Variants in UBE2L6 observed in about 807,000 individuals in gnomAD.
UBE2L6 encodes the protein ubiquitin conjugating enzyme E2 L6.
Under a neutral mutation model 13.6 loss-of-function variants are expected in UBE2L6, and 11 were observed. The ratio of observed to expected loss-of-function variants is 0.81; its 90% CI spans 0.51 to 1.34. UBE2L6 has a LOEUF of 1.34. Among genes scored for constraint, UBE2L6 ranks in the 40% most tolerant of loss-of-function variants. The pLI, the probability that UBE2L6 is intolerant of heterozygous loss-of-function variation, is 0.00. For missense variants in UBE2L6, 197 were observed against 199.5 expected (o/e 0.99, Z 0.07); for synonymous variants, 74 against 83.2 (o/e 0.89, Z 0.60).
intron 3 of UBE2L6, among the ~76,000 whole-genome samples, chr11:57,553,144 A>T (rs974347700): frequency 6.6e-5 from 10 of 152,210 alleles, no homozygotes; most frequent in Non-Finnish European, 7.3e-5. Context: ...CAGGCTCTAG[A>T]GCTGTGTTGT....
upstream of UBE2L6, chr11:57,567,722 C>T: frequency 7.3e-7 from 1 of 1,371,598 alleles, no homozygotes; most frequent in South Asian, 1.3e-5. Context: ...GCCCCGCCCA[C>T]CCCTCCTCCA....
chr11:57,557,592 C>T (rs1409954088), intron 2 of UBE2L6, among the ~76,000 whole-genome samples: 2 of 152,032 alleles, frequency 1.3e-5, no homozygotes, highest in South Asian at 2.1e-4. Flanking sequence ...CAGGGTTTCT[C>T]CATGTTGGTC....
chr11:57,560,494 C>T, intron 1 of UBE2L6, 62 bp from the exon 2 acceptor site: 1 of 1,303,386 alleles, frequency 7.7e-7, no homozygotes, highest in South Asian at 1.2e-5. Context: ...CCCCCTCCCC[C>T]TGCCCCAGCA....
In UBE2L6 at chr11:57,552,195, A is replaced by T. The variant is rs955394830; in HGVS notation, c.*163T>A. On this transcript the variant is annotated 3_prime_UTR_variant, in exon 4 of 4. Transcript: ENST00000287156. ...GAGTCCATACACAACACACACACTC[A>T]TAGCTCCCTTCCCTCCACCACACAC... 44 of 1,014,044 alleles carry T rather than the reference A, an allele frequency of 4.3e-5. 1 individual carries two copies. In the Middle Eastern group the frequency reaches 1.8e-3, roughly 42 times the overall value. The allele number at this position is 1,014,044 out of a possible 1,614,324, so 62.8% of individuals were successfully genotyped here.
At position 57,552,502 on chromosome 11, in the gene UBE2L6, C is replaced by A. The variant is rs199678631; in HGVS notation, c.318G>T (p.Glu106Asp). The A allele has an allele frequency of 1.2e-6, 2 of 1,614,180 alleles. No homozygotes were observed. The highest frequency in any genetic ancestry group is 1.7e-6 in the Non-Finnish European group (2 of 1,180,030). Residue 106 changes from glutamate to aspartate, a missense_variant, in exon 4 of 4, where the codon GAG becomes GAT. Transcript: ENST00000287156. ...KPCTKTCQVL[E>D]ALNVLVNRPN... The stretch of plus-strand genomic sequence containing the variant: ...GTCTATTCACCAGCACATTGAGGGC[C>A]TCCAGGACTGGGGAGAGACAGGCCA...
intron 3 of UBE2L6, among the ~76,000 whole-genome samples, chr11:57,553,275 C>T (rs1259695604): frequency 6.6e-6 from 1 of 152,256 alleles, no homozygotes; most frequent in Admixed American, 6.5e-5. Context: ...GGGTGGATGG[C>T]TTGAACTCAC....
intron 1 of UBE2L6, among the ~76,000 whole-genome samples, chr11:57,564,604 A>G (rs1945071935): frequency 6.6e-6 from 1 of 152,172 alleles, no homozygotes; most frequent in African/African-American, 2.4e-5. Flanking sequence ...GGAGTTCGAG[A>G]CCAGCCTGGC....
chr11:57,554,773 A>T (rs957439859), intron 2 of UBE2L6, 150 bp from the exon 3 acceptor site: 1 of 859,770 alleles, frequency 1.2e-6, no homozygotes, highest in Admixed American at 2.9e-5. Context: ...CAATTGAGTC[A>T]TGGATTAGTG....
chr11:57,566,887 A>G (rs1945095935), intron 1 of UBE2L6: 1 of 419,268 alleles, frequency 2.4e-6, no homozygotes, highest in Admixed American at 2.5e-5. Flanking sequence ...TCTTATTTCA[A>G]ATTGTGTCCC....
intron 2 of UBE2L6, among the ~76,000 whole-genome samples, chr11:57,557,513 G>A (rs1945007666): frequency 6.6e-6 from 1 of 151,038 alleles, no homozygotes; most frequent in African/African-American, 2.4e-5. Flanking sequence ...TCCTGCCTCA[G>A]CCTCCCAACT....
rs1423298118 is a variant in UBE2L6 at position 57,552,438 on chromosome 11, G to A, written c.382C>T (p.Leu128=). ...AACAGCTCCGGATTCTGTGTCAGCAGGTCAGCGAGGTCCATCCGCAGGGGC... is the reference window on the plus strand; with the variant it reads ...AACAGCTCCGGATTCTGTGTCAGCAAGTCAGCGAGGTCCATCCGCAGGGGC... ...REPLRMDLAD[L]LTQNPELFRK... The change falls in exon 4 of 4, where the codon CTG becomes TTG. Residue 128 remains leucine (L), a synonymous_variant. Transcript: ENST00000287156. 2.5e-6 allele frequency: 4 copies of A among 1,614,060 alleles called. No homozygotes were observed. In the African/African-American group the frequency reaches 5.3e-5, roughly 22 times the overall value.
At chr11:57,558,005 T>G (rs1201191226) in intron 2 of UBE2L6, among the ~76,000 whole-genome samples, 1 of 152,250 alleles carries the variant, frequency 6.6e-6, no homozygotes, top group Non-Finnish European at 1.5e-5. Context: ...GATTCCATGC[T>G]GTATCTTACA....
intron 2 of UBE2L6, among the ~76,000 whole-genome samples, chr11:57,556,815 G>T (rs535421159): frequency 2.0e-5 from 3 of 152,084 alleles, no homozygotes; most frequent in Non-Finnish European, 4.4e-5. Context: ...CTACGTGGCG[G>T]TGGCTCGCGC....
At chr11:57,566,248 T>C (rs1945091199) in intron 1 of UBE2L6, among the ~76,000 whole-genome samples, 1 of 152,258 alleles carries the variant, frequency 6.6e-6, no homozygotes, top group East Asian at 1.9e-4. Context: ...CTGAGGAAGT[T>C]GAAACCCAAC....
At chr11:57,567,865 C>CG, upstream of UBE2L6, 1 of 426,072 alleles carries the variant, frequency 2.3e-6, no homozygotes, top group Non-Finnish European at 4.1e-6. Flanking sequence ...TGTGCGGAGA[C>CG]GGGGGCGGGC....
Position 57,552,503 on chromosome 11 carries a change from T to A in UBE2L6, c.317A>T (p.Glu106Val), listed in dbSNP as rs751401346. Residue 106 changes from glutamate to valine, a missense_variant, in exon 4 of 4, where the codon GAG becomes GTG. Glu to Val is a moderately radical substitution (Grantham distance 121). Transcript: ENST00000287156. ...TCTATTCACCAGCACATTGAGGGCC[T>A]CCAGGACTGGGGAGAGACAGGCCAG... ...KPCTKTCQVL[E>V]ALNVLVNRPN... The A allele has an allele frequency of 5.0e-6, 8 of 1,614,080 alleles. No homozygotes were observed. Among genetic ancestry groups the A allele is most frequent in the Non-Finnish European group, 5.9e-6 (7 of 1,180,004 alleles).
chr11:57,556,156 C>A (rs1944995592), intron 2 of UBE2L6, among the ~76,000 whole-genome samples: 1 of 152,058 alleles, frequency 6.6e-6, no homozygotes, highest in Admixed American at 6.6e-5. Flanking sequence ...AGCCACCCTG[C>A]CTGGGTGTGA....
chr11:57,562,768 T>C (rs1115173), intron 1 of UBE2L6, among the ~76,000 whole-genome samples: 1 of 152,208 alleles, frequency 6.6e-6, no homozygotes, highest in Non-Finnish European at 1.5e-5. Context: ...ACTACAGTGT[T>C]ACTAGGCTTG....
At chr11:57,566,181 T>C (rs1316216568) in intron 1 of UBE2L6, among the ~76,000 whole-genome samples, 2 of 152,216 alleles carry the variant, frequency 1.3e-5, no homozygotes, top group East Asian at 1.9e-4. Flanking sequence ...CTTGGAAAGA[T>C]AAAGACACTT....
Sources: allele counts gnomAD v4.1 joint callset (sites outside exome capture counted in the v4.1 genomes callset), GRCh38; gene constraint gnomAD v4.1.1; transcripts MANE v1.5; gene names NCBI Gene and HGNC (gene_info 2026-07-23, HGNC 2026-07-21).